The following AKNAD1 variants were observed in gnomAD, a reference collection of about 807,000 sequenced individuals.
AKNAD1 encodes the protein protein AKNAD1.
A neutral mutation model predicts 90.8 loss-of-function variants in AKNAD1; 67 were observed. That is an observed-to-expected ratio of 0.74 (90% CI 0.61 to 0.90). The LOEUF (loss-of-function observed/expected upper bound fraction) is 0.90. Ranked by LOEUF, AKNAD1 falls within the 40% of genes least tolerant of loss-of-function variation. The pLI, the probability that AKNAD1 is intolerant of heterozygous loss-of-function variation, is 0.00. For missense variants in AKNAD1, 957 were observed against 975.4 expected (o/e 0.98, Z 0.25); for synonymous variants, 327 against 341.4 (o/e 0.96, Z 0.46).
chr1:108,825,077 A>G lies in AKNAD1; in HGVS notation c.1937-1389T>C, dbSNP rs1413405829. On this transcript the variant is annotated intron_variant, in intron 11 of 15. Transcript: ENST00000370001. The stretch of plus-strand genomic sequence containing the variant: ...CAAGCAGCCTATTGGAGAGGCCCAC[A>G]TGTCAGGGAACTGAGACCTCCTGCC... Among the ~76,000 whole-genome samples the G allele has an allele frequency of 1.9e-4, 29 of 151,584 alleles. 2 individuals are homozygous for G. The highest frequency in any genetic ancestry group is 1.9e-3 in the Admixed American group (28 of 15,092).
At chr1:108,851,627 G>T in intron 2 of AKNAD1, 45 bp downstream of exon 2, 2 of 1,500,640 alleles carry the variant, frequency 1.3e-6, no homozygotes, top group Non-Finnish European at 8.9e-7. Context: ...AAAGAGATAA[G>T]CAGTGGTCCC....
At position 108,820,548 on chromosome 1, in the gene AKNAD1, C is replaced by T. The variant is rs763016552; in HGVS notation, c.2246G>A (p.Gly749Glu). The T allele has an allele frequency of 6.3e-7, 1 of 1,587,580 alleles. No individual in the cohort carries two copies. Among genetic ancestry groups the T allele is most frequent in the Non-Finnish European group, 8.6e-7 (1 of 1,156,588 alleles). The change falls in exon 14 of 16, where the codon GGA becomes GAA. Residue 749 changes from glycine (G) to glutamate (E), a missense_variant. By Grantham distance (98) the Gly-to-Glu change is moderately conservative. Coordinates refer to ENST00000370001, the MANE Select transcript of AKNAD1 (RefSeq NM_152763.5). ...SFKGEHEPTP[G>E]KKKLQAFMTY... ...CTGATAATGAAATAATACTTACTTT[C>T]CTGGTGTGGGCTCATGTTCACCTTT...
Position 108,851,984 on chromosome 1 carries a change from A to G in AKNAD1, c.681T>C (p.Ser227=). The change falls in exon 2 of 16, where the codon AGT becomes AGC. Residue 227 remains serine, a synonymous_variant. Coordinates refer to ENST00000370001, the MANE Select transcript of AKNAD1 (RefSeq NM_152763.5). The part of the protein sequence containing the change: ...KTKGPGDKQK[S]YQGQSPQKQQ... Reference sequence around the variant, plus strand: ...GTTTCTGGGGTGACTGCCCTTGATAACTTTTTTGTTTATCACCTGGACCCT... The same window carrying G: ...GTTTCTGGGGTGACTGCCCTTGATAGCTTTTTTGTTTATCACCTGGACCCT... 1 of 1,614,120 alleles carries G rather than the reference A, an allele frequency of 6.2e-7. No individual in the cohort carries two copies. The highest frequency in any genetic ancestry group is 8.5e-7 in the Non-Finnish European group (1 of 1,180,018).
At chr1:108,828,932 C>G (rs1038966671) in intron 10 of AKNAD1, among the ~76,000 whole-genome samples, 14 of 151,836 alleles carry the variant, frequency 9.2e-5, no homozygotes, top group Non-Finnish European at 1.9e-4. Flanking sequence ...AAAGTACACA[C>G]TTAAATCCAA....
rs140789164 is a variant in AKNAD1, at chr1:108,819,593, C to G, written c.2249+952G>C. Among the ~76,000 whole-genome samples the G allele has an allele frequency of 7.1e-4, 108 of 151,320 alleles. No individual in the cohort carries two copies. The East Asian group carries it at 0.018, about 25-fold the overall frequency. On this transcript the variant is annotated intron_variant, in intron 14 of 15. Transcript: ENST00000370001. ...CAAGATTGCACTCCAGCCTGGGCAACAAAGCAAGACCCTGCCTCAAAAAAA... is the reference window on the plus strand; with the variant it reads ...CAAGATTGCACTCCAGCCTGGGCAAGAAAGCAAGACCCTGCCTCAAAAAAA...
intron 5 of AKNAD1, among the ~76,000 whole-genome samples, chr1:108,846,076 C>T (rs1664691955): frequency 6.6e-6 from 1 of 152,184 alleles, no homozygotes; most frequent in African/African-American, 2.4e-5. Flanking sequence ...AAAGGGAAGA[C>T]ATGCTGTAAC....
At chr1:108,825,834 G>A (rs1206129436) in intron 11 of AKNAD1, among the ~76,000 whole-genome samples, 1 of 151,662 alleles carries the variant, frequency 6.6e-6, no homozygotes, top group Admixed American at 6.6e-5. Context: ...ATAAATCCAT[G>A]TCATATTAAC....
At chr1:108,827,056 A>G (rs1664021644) in intron 11 of AKNAD1, 149 bp downstream of exon 11, 1 of 664,136 alleles carries the variant, frequency 1.5e-6, no homozygotes, top group Non-Finnish European at 2.7e-6. Flanking sequence ...AATTCTTTAC[A>G]TTTTGCAAAT....
At chr1:108,831,016 C>T (rs1664181102) in intron 9 of AKNAD1, among the ~76,000 whole-genome samples, 1 of 152,194 alleles carries the variant, frequency 6.6e-6, no homozygotes, top group Non-Finnish European at 1.5e-5. Flanking sequence ...CAAATTACTC[C>T]AAGCTTCGCC....
At chr1:108,852,855 T>C (rs2101221194) in intron 1 of AKNAD1, 88 bp from the exon 2 acceptor site, 1 of 478,914 alleles carries the variant, frequency 2.1e-6, no homozygotes, top group Non-Finnish European at 3.4e-6. Flanking sequence ...TTTTTTAATT[T>C]GAAAAATTCA....
At chr1:108,850,715 G>A (rs937720430) in intron 2 of AKNAD1, among the ~76,000 whole-genome samples, 7 of 152,184 alleles carry the variant, frequency 4.6e-5, no homozygotes, top group Non-Finnish European at 1.0e-4. Flanking sequence ...GAAACAGGCA[G>A]TGTGGTTCAG....
intron 5 of AKNAD1, among the ~76,000 whole-genome samples, chr1:108,844,455 TAG>T (rs1020909171): frequency 1.3e-5 from 2 of 150,580 alleles, no homozygotes; most frequent in African/African-American, 4.9e-5. Context: ...TATAGATAGA[TAG>T]AGAGAGAGAG....
intron 11 of AKNAD1, 74 bp from the exon 12 acceptor site, chr1:108,823,762 G>A (rs1663901528): frequency 6.2e-7 from 1 of 1,603,752 alleles, no homozygotes; most frequent in Admixed American, 1.7e-5. Flanking sequence ...GTGGAGAGCA[G>A]AGCTGTAACT....
At chr1:108,826,443 A>G (rs34762467) in intron 11 of AKNAD1, among the ~76,000 whole-genome samples, 87,369 of 151,122 alleles carry the variant, frequency 0.58, 26,248 homozygotes, top group African/African-American at 0.63. Context: ...ATCTTTGAAA[A>G]AAAGGATCTT....
chr1:108,819,919 CAAAAAAA>C (rs71591113), intron 14 of AKNAD1, among the ~76,000 whole-genome samples: 13 of 129,046 alleles, frequency 1.0e-4, no homozygotes, highest in South Asian at 7.6e-4. Context: ...GAATTAACAG[CAAAAAAA>C]AAAAAAAAAA....
Position 108,837,676 on chromosome 1 carries a change from C to G in AKNAD1, c.1410G>C (p.Glu470Asp). ...RKVEGEIFKL[E>D]MLLEDVKEKM... ...TCTCTTTAACATCTTCAAGCAGCAT[C>G]TCCAATTTGAAGATTTCACCTTCCA... Residue 470 changes from glutamate (E) to aspartate (D), a missense_variant, in exon 7 of 16, where the codon GAG (glutamate) becomes GAC (aspartate). Physicochemically the swap from Glu to Asp is conservative, Grantham distance 45. Coordinates refer to ENST00000370001, the MANE Select transcript of AKNAD1 (RefSeq NM_152763.5). 6.2e-7 allele frequency: 1 copy of G among 1,614,176 alleles called. No homozygotes were observed. Among genetic ancestry groups the G allele is most frequent in the Non-Finnish European group, 8.5e-7 (1 of 1,180,012 alleles).
chr1:108,825,733 C>G (rs1449520003), intron 11 of AKNAD1, among the ~76,000 whole-genome samples: 1 of 145,308 alleles, frequency 6.9e-6, no homozygotes, highest in African/African-American at 2.6e-5. Flanking sequence ...TTTCCCAAAA[C>G]TAAATGAGCA....
intron 9 of AKNAD1, 60 bp downstream of exon 9, chr1:108,834,387 T>TTTTTTGCTC: frequency 7.1e-7 from 1 of 1,402,898 alleles, no homozygotes; most frequent in Non-Finnish European, 9.8e-7. Context: ...GCAACACTGG[T>TTTTTTGCTC]TTTAGTTAAA....
intron 15 of AKNAD1, 42 bp downstream of exon 15, chr1:108,817,006 T>TA (rs756126694): frequency 6.2e-7 from 1 of 1,608,524 alleles, no homozygotes; most frequent in African/African-American, 1.3e-5. Flanking sequence ...AGATCAAACT[T>TA]ACGAGCTGCA....
Sources: allele counts gnomAD v4.1 joint callset (sites outside exome capture counted in the v4.1 genomes callset), GRCh38; gene constraint gnomAD v4.1.1; transcripts MANE v1.5; gene names NCBI Gene and HGNC (gene_info 2026-07-23, HGNC 2026-07-21).